The following ZNF254 variants were observed in gnomAD, a reference collection of about 807,000 sequenced individuals.
ZNF254 encodes CTD-2017D11.1.
A neutral mutation model predicts 12.4 loss-of-function variants in ZNF254; 10 were observed. That is an observed-to-expected ratio of 0.80 (90% CI 0.50 to 1.36). ZNF254 has a LOEUF of 1.36. Among genes scored for constraint, ZNF254 ranks in the 40% most tolerant of loss-of-function variants. ZNF254 has a pLI of 0.00. For synonymous variants in ZNF254, 305 were observed against 253.4 expected, an observed-to-expected ratio of 1.20 and a Z score of -1.93; for missense variants, 996 against 763.9, an observed-to-expected ratio of 1.30 and a Z score of -3.58.
chr19:24,115,039 G>A (rs1375794623), intron 3 of ZNF254, among the ~76,000 whole-genome samples: 51 of 152,352 alleles, frequency 3.3e-4, no homozygotes, highest in South Asian at 1.9e-3. Context: ...GTGCTGGAGA[G>A]GATGTGGAGA....
At chr19:24,075,950 G>C (rs955770563) in intron 2 of ZNF254, among the ~76,000 whole-genome samples, 2 of 152,238 alleles carry the variant, frequency 1.3e-5, no homozygotes, top group African/African-American at 2.4e-5. Context: ...TTTGCAAAAA[G>C]AGAAGTATGA....
chr19:24,125,870 A>G (rs1005183529), intron 3 of ZNF254, among the ~76,000 whole-genome samples: 1 of 152,226 alleles, frequency 6.6e-6, no homozygotes, highest in Non-Finnish European at 1.5e-5. Flanking sequence ...AGAAATGGCA[A>G]TGATTGTGCC....
At position 24,129,735 on chromosome 19, in the gene ZNF254, T is replaced by A. The variant is rs1366577270; in HGVS notation, c.*1755T>A. On this transcript the variant is annotated 3_prime_UTR_variant, in exon 4 of 4. Transcript: ENST00000357002. ...TCAATTGTACACTTTTAGTTATTTTTAAATTTACAATGTTATTGATTACAG... is the reference window on the plus strand; with the variant it reads ...TCAATTGTACACTTTTAGTTATTTTAAAATTTACAATGTTATTGATTACAG... The A allele has an allele frequency of 1.3e-5, 2 of 152,048 alleles. No individual in the cohort carries two copies. Among genetic ancestry groups the A allele is most frequent in the Non-Finnish European group, 2.9e-5 (2 of 67,940 alleles). The allele number at this position is 152,048 out of a possible 1,614,324, so 9.4% of individuals were successfully genotyped here. A position where few individuals can be genotyped will look rare whatever the true frequency, so the allele number is the denominator to read the frequency against.
chr19:24,074,439 G>A (rs1404930135), intron 2 of ZNF254, among the ~76,000 whole-genome samples: 1 of 152,200 alleles, frequency 6.6e-6, no homozygotes, highest in Non-Finnish European at 1.5e-5. Context: ...TCTTTGTGCT[G>A]TGACTCTTAC....
intron 2 of ZNF254, among the ~76,000 whole-genome samples, chr19:24,067,569 C>G (rs1158716333): frequency 6.6e-6 from 1 of 151,986 alleles, no homozygotes; most frequent in African/African-American, 2.4e-5. Context: ...TTCCTGAGCC[C>G]TATGAAAAGA....
intron 1 of ZNF254, among the ~76,000 whole-genome samples, chr19:24,102,619 G>C (rs1973104078): frequency 6.6e-6 from 1 of 152,058 alleles, no homozygotes; most frequent in Admixed American, 6.6e-5. Context: ...TGCCTTTTTA[G>C]AGTTGGTGCT....
Position 24,127,634 on chromosome 19 carries a change from C to T in ZNF254, c.1634C>T (p.Pro545Leu), listed in dbSNP as rs774634967. Residue 545 changes from proline (P) to leucine (L), a missense_variant, in exon 4 of 4, where the codon CCC becomes CTC. Pro to Leu is a moderately conservative substitution (Grantham distance 98). Coordinates refer to ENST00000357002, the MANE Select transcript of ZNF254 (RefSeq NM_203282.4). ...AAGATAATTCATACTGAAGAGAAAC[C>T]CTACAAATGTGAAAAATGTGGCAAA... is the stretch of plus-strand genomic sequence containing the variant. The part of the protein sequence containing the change: ...KHKIIHTEEK[P>L]YKCEKCGKAF... 3.1e-6 allele frequency: 5 copies of T among 1,610,624 alleles called. No homozygotes were observed. Among genetic ancestry groups the T allele is most frequent in the Non-Finnish European group, 4.2e-6 (5 of 1,178,298 alleles).
chr19:24,117,504 C>T (rs1352921363), intron 3 of ZNF254, among the ~76,000 whole-genome samples: 1 of 152,188 alleles, frequency 6.6e-6, no homozygotes, highest in East Asian at 1.9e-4. Flanking sequence ...GAGCCAGGTG[C>T]AGGATATAAT....
At chr19:24,068,926 ACT>A (rs1034890482) in intron 2 of ZNF254, among the ~76,000 whole-genome samples, 6 of 152,064 alleles carry the variant, frequency 3.9e-5, no homozygotes, top group Admixed American at 3.3e-4. Context: ...GAGAATTAAC[ACT>A]CTCTCAAATA....
At chr19:24,110,557 C>T (rs956407976) in intron 3 of ZNF254, among the ~76,000 whole-genome samples, 1 of 149,890 alleles carries the variant, frequency 6.7e-6, no homozygotes, top group Non-Finnish European at 1.5e-5. Context: ...CAGATTGAGA[C>T]CCTGTTTCAA....
chr19:24,111,870 T>C (rs1973704682), intron 3 of ZNF254, among the ~76,000 whole-genome samples: 1 of 151,992 alleles, frequency 6.6e-6, no homozygotes, highest in African/African-American at 2.4e-5. Context: ...GATGAGTAGG[T>C]TGCGAAAATT....
rs143955605 is a variant in ZNF254 at position 24,089,483 on chromosome 19, A to C, written c.30+2146A>C. 4.9e-4 allele frequency among the ~76,000 whole-genome samples: 75 copies of C among 152,148 alleles called. No homozygotes were observed. The East Asian group carries it at 0.012, about 25-fold the overall frequency. ...GTCAAGTTTTCCTTTTGGAAACTAT[A>C]GTGTGATGTGTCTTCAGTCACCATT... On this transcript the variant is annotated intron_variant, in intron 1 of 3. Transcript: ENST00000357002.
upstream of ZNF254, among the ~76,000 whole-genome samples, chr19:24,084,182 A>G (rs1055574963): frequency 6.8e-6 from 1 of 147,970 alleles, no homozygotes; most frequent in African/African-American, 2.5e-5. Flanking sequence ...TATATAATAT[A>G]TTTATAATAA....
intron 3 of ZNF254, among the ~76,000 whole-genome samples, chr19:24,112,022 C>A (rs1232093904): frequency 6.7e-6 from 1 of 148,828 alleles, no homozygotes. Context: ...GAAGTCCTTG[C>A]CCATGCCTAT....
At position 24,127,718 on chromosome 19, in the gene ZNF254, C is replaced by A. The variant is rs1299726292; in HGVS notation, c.1718C>A (p.Pro573His). 23 of 1,612,998 alleles carry A rather than the reference C, an allele frequency of 1.4e-5. No individual in the cohort carries two copies. The highest frequency in any genetic ancestry group is 1.9e-5 in the Non-Finnish European group (22 of 1,179,610). ...AAGAGAATTCATACTGGAGAGAAAC[C>A]CTATAAATGTGAAGAATGTGGCAAA... ...NHKRIHTGEKPYKCEECGKSF... is the reference protein window; with the variant it reads ...NHKRIHTGEKHYKCEECGKSF... The change falls in exon 4 of 4, where the codon CCC becomes CAC. Residue 573 changes from proline to histidine, a missense_variant. Transcript: ENST00000357002.
At chr19:24,056,417 A>G (rs556031004) in intron 2 of ZNF254, among the ~76,000 whole-genome samples, 144 of 152,238 alleles carry the variant, frequency 9.5e-4, no homozygotes, top group African/African-American at 3.3e-3. Flanking sequence ...CTCAGTACCA[A>G]CAAGTGTGGT....
chr19:24,038,333 C>G (rs1970040230), intron 1 of ZNF254, among the ~76,000 whole-genome samples: 1 of 152,162 alleles, frequency 6.6e-6, no homozygotes, highest in African/African-American at 2.4e-5. Context: ...CCAAAGAAGA[C>G]CTCCAATTTT....
chr19:24,060,590 G>A (rs1971029158), intron 2 of ZNF254, among the ~76,000 whole-genome samples: 1 of 152,142 alleles, frequency 6.6e-6, no homozygotes, highest in Non-Finnish European at 1.5e-5. Context: ...GCACCTAGAT[G>A]TTATGACTCT....
At chr19:24,085,940 C>G (rs138598183), upstream of ZNF254, among the ~76,000 whole-genome samples, 1,075 of 152,206 alleles carry the variant, frequency 7.1e-3, 14 homozygotes, top group African/African-American at 0.024. Context: ...GGCACGATGG[C>G]TCACGCCTGT....
Sources: gnomAD v4.1 joint callset for allele counts (sites outside exome capture counted in the v4.1 genomes callset) on GRCh38, gnomAD v4.1.1 for gene constraint, MANE v1.5 for transcripts, NCBI Gene and HGNC (gene_info 2026-07-23, HGNC 2026-07-21) for gene names.